CRYGA: variants seen among roughly 807,000 people sequenced by gnomAD.
CRYGA encodes the protein crystallin gamma A.
A neutral mutation model predicts 13.8 loss-of-function variants in CRYGA; 11 were observed. The ratio of observed to expected loss-of-function variants is 0.80; its 90% confidence interval spans 0.50 to 1.32. The LOEUF is 1.32. CRYGA is among the 40% of genes most tolerant of loss of function. CRYGA has a pLI of 0.00. For synonymous variants in CRYGA, 97 were observed against 89.3 expected, an observed-to-expected ratio of 1.09 and a Z score of -0.48; for missense variants, 271 against 234.1, an observed-to-expected ratio of 1.16 and a Z score of -1.03.
Position 208,163,277 on chromosome 2 carries a change from C to T in CRYGA, c.179G>A (p.Arg60Gln), listed in dbSNP as rs370073865. 92 of 1,613,898 alleles carry T rather than the reference C, an allele frequency of 5.7e-5. No homozygotes were observed. In the Middle Eastern group the frequency reaches 8.2e-4, roughly 14 times the overall value. The stretch of plus-strand genomic sequence containing the variant: ...GTGCTGATAGTCGGGGTACTTGCCT[C>T]GGCGCAGGAAGTACTGGTGGCCCTG... ...NYQGHQYFLR[R>Q]GKYPDYQHWM... is the part of the protein sequence containing the mutation. The change falls in exon 2 of 3, where the codon CGA (arginine) becomes CAA (glutamine). Residue 60 changes from arginine to glutamine, a missense_variant. Coordinates refer to ENST00000304502, the MANE Select transcript of CRYGA (RefSeq NM_014617.4).
rs755408221 is a variant in CRYGA at position 208,163,358 on chromosome 2, C to T, written c.98G>A (p.Cys33Tyr). Residue 33 changes from cysteine (C) to tyrosine (Y), a missense_variant, in exon 2 of 3, where the codon TGC (cysteine) becomes TAC (tyrosine). By Grantham distance (194) the Cys-to-Tyr change is radical. Transcript: ENST00000304502. The part of the protein sequence containing the change: ...CPNLRVYFSR[C>Y]NSIRVDSGCW... ...GCCGCTGTCTACTCGGATGGAGTTGCAGCGGCTGAAGTAGACCCGCAGGTT... is the reference window on the plus strand; with the variant it reads ...GCCGCTGTCTACTCGGATGGAGTTGTAGCGGCTGAAGTAGACCCGCAGGTT... 6.2e-7 allele frequency: 1 copy of T among 1,614,014 alleles called. No individual in the cohort carries two copies. Among genetic ancestry groups the T allele is most frequent in the East Asian group, 2.2e-5 (1 of 44,868 alleles).
chr2:208,161,174 CTTTTA>C (rs1451932114), intron 2 of CRYGA, 98 bp from the exon 3 acceptor site: 10 of 1,207,106 alleles, frequency 8.3e-6, no homozygotes, highest in Non-Finnish European at 1.2e-6. Flanking sequence ...TGAAGCATGG[CTTTTA>C]TTTTATTTTT....
rs1190768239 is a variant in CRYGA at position 208,160,759 on chromosome 2, A to C, written c.*45T>G. ...ACTTAGTGCAGGGAACACAACTTGT[A>C]TATTTATTATGTTTCTATGGGGATC... is the stretch of plus-strand genomic sequence containing the variant. On this transcript the variant is annotated 3_prime_UTR_variant, in exon 3 of 3. Transcript: ENST00000304502. 2 of 1,155,034 alleles carry C rather than the reference A, an allele frequency of 1.7e-6. No homozygotes were observed. The highest frequency in any genetic ancestry group is 2.8e-5 in the South Asian group (2 of 71,292). 71.5% of individuals were successfully genotyped at this position (1,155,034 alleles called of 1,614,324 possible).
intron 2 of CRYGA, among the ~76,000 whole-genome samples, chr2:208,162,565 A>C (rs966085575): frequency 3.3e-5 from 5 of 152,236 alleles, no homozygotes; most frequent in Non-Finnish European, 7.3e-5. Flanking sequence ...TCATTAAAAA[A>C]TAATTATCAT....
In CRYGA at chr2:208,163,455, G is replaced by A. The variant is rs1695803399; in HGVS notation, c.10-9C>T. On this transcript the variant is annotated splice_polypyrimidine_tract_variant and intron_variant, in intron 1 of 2. Transcript: ENST00000304502. ...TCCTCGTAGAAGGTGATCTGAGGTA[G>A]AAATAAGGTGACAGTAGACAGTCAG... The A allele has an allele frequency of 6.2e-7, 1 of 1,613,400 alleles. No individual in the cohort carries two copies. The highest frequency in any genetic ancestry group is 1.3e-5 in the African/African-American group (1 of 74,702).
chr2:208,161,015 A>G lies in CRYGA; in HGVS notation c.314T>C (p.Leu105Pro). ...RDDYRGLMSE[L>P]TDDCACVPEL... ...TGGAACACAGGCGCAGTCATCAGTG[A>G]GCTCAGACATAAGGCCTCGGTAGTC... Residue 105 changes from leucine to proline, a missense_variant, in exon 3 of 3, where the codon CTC becomes CCC. Coordinates refer to ENST00000304502, the MANE Select transcript of CRYGA (RefSeq NM_014617.4). The G allele has an allele frequency of 1.2e-6, 2 of 1,614,064 alleles. No individual in the cohort carries two copies. Among genetic ancestry groups the G allele is most frequent in the Non-Finnish European group, 8.5e-7 (1 of 1,179,954 alleles).
At position 208,160,860 on chromosome 2, in the gene CRYGA, A is replaced by G. The variant is rs1175001896; in HGVS notation, c.469T>C (p.Trp157Arg). 1 of 1,612,040 alleles carries G rather than the reference A, an allele frequency of 6.2e-7. No individual in the cohort carries two copies. Residue 157 changes from tryptophan to arginine, a missense_variant, in exon 3 of 3, where the codon TGG (tryptophan) becomes CGG (arginine). Transcript: ENST00000304502. Reference sequence around the variant, plus strand: ...CCGACTTTGGCATCTGCACCCCCCCAGTCGTGGTACCTTCTGTAGTCCCCA... The same window carrying G: ...CCGACTTTGGCATCTGCACCCCCCCGGTCGTGGTACCTTCTGTAGTCCCCA... Reference protein sequence around the residue: ...RPGDYRRYHDWGGADAKVGSL... With the variant: ...RPGDYRRYHDRGGADAKVGSL...
intron 2 of CRYGA, 96 bp downstream of exon 2, chr2:208,163,108 T>G: frequency 1.0e-6 from 1 of 1,002,692 alleles, no homozygotes; most frequent in Non-Finnish European, 1.5e-6. Flanking sequence ...CTGTGAACAC[T>G]CATCCTGTGT....
At chr2:208,162,636 T>C (rs1240497426) in intron 2 of CRYGA, among the ~76,000 whole-genome samples, 1 of 151,684 alleles carries the variant, frequency 6.6e-6, no homozygotes, top group East Asian at 1.9e-4. Flanking sequence ...GGTCGGGAGT[T>C]CGAGACCAGC....
chr2:208,163,164 A>G (rs747383459), intron 2 of CRYGA, 40 bp downstream of exon 2: 10 of 1,561,570 alleles, frequency 6.4e-6, no homozygotes, highest in Non-Finnish European at 8.8e-6. Flanking sequence ...GCCATGGATC[A>G]TTGATGCTTT....
intron 2 of CRYGA, among the ~76,000 whole-genome samples, chr2:208,161,846 G>T (rs1281460616): frequency 6.6e-6 from 1 of 152,164 alleles, no homozygotes; most frequent in African/African-American, 2.4e-5. Flanking sequence ...CAAGTCACTT[G>T]TGCCATTTGG....
intron 2 of CRYGA, among the ~76,000 whole-genome samples, chr2:208,161,876 T>C (rs1340602452): frequency 2.0e-5 from 3 of 152,190 alleles, no homozygotes; most frequent in African/African-American, 7.2e-5. Flanking sequence ...CCCAGAGAAA[T>C]GCCTATTTTA....
At position 208,163,251 on chromosome 2, in the gene CRYGA, A is replaced by C. The variant is rs774592838; in HGVS notation, c.205T>G (p.Trp69Gly). ...RRGKYPDYQHWMGLSDSVQSC... is the reference protein window; with the variant it reads ...RRGKYPDYQHGMGLSDSVQSC... ...TGGACCGAGTCGCTGAGGCCCATCC[A>C]GTGCTGATAGTCGGGGTACTTGCCT... Residue 69 changes from tryptophan to glycine, a missense_variant, in exon 2 of 3, where the codon TGG becomes GGG. Transcript: ENST00000304502. The C allele has an allele frequency of 6.2e-6, 10 of 1,614,022 alleles. No individual in the cohort carries two copies. Among genetic ancestry groups the C allele is most frequent in the Non-Finnish European group, 8.5e-6 (10 of 1,180,008 alleles).
In CRYGA at chr2:208,163,218, G is replaced by A. The variant is rs958131696; in HGVS notation, c.238C>T (p.Arg80Cys). The A allele has an allele frequency of 2.7e-5, 43 of 1,613,118 alleles. No individual in the cohort carries two copies. The highest frequency in any genetic ancestry group is 3.3e-5 in the Admixed American group (2 of 59,950). The change falls in exon 2 of 3, where the codon CGT becomes TGT. Residue 80 changes from arginine (R) to cysteine (C), a missense_variant. Coordinates refer to ENST00000304502, the MANE Select transcript of CRYGA (RefSeq NM_014617.4). ...MGLSDSVQSC[R>C]IIPHTSSHKL... is the part of the protein sequence containing the mutation. ...GCAAGACTCACATGAGGAATTATACGGCAGGATTGGACCGAGTCGCTGAGG... is the reference window on the plus strand; with the variant it reads ...GCAAGACTCACATGAGGAATTATACAGCAGGATTGGACCGAGTCGCTGAGG...
chr2:208,163,071 T>C, intron 2 of CRYGA, 133 bp downstream of exon 2: 1 of 725,228 alleles, frequency 1.4e-6, no homozygotes, highest in Non-Finnish European at 2.3e-6. Context: ...TTTATATATG[T>C]TTGAGGGTCA....
In CRYGA at chr2:208,161,098, G is replaced by C. The variant is rs760434623; in HGVS notation, c.253-22C>G. On this transcript the variant is annotated intron_variant, in intron 2 of 2. Transcript: ENST00000304502. ...TGGTCTGTCATGGCAATAAACAAAA[G>C]AACAAAAATAAACAGCATGCATCCT... The C allele has an allele frequency of 1.9e-6, 3 of 1,607,064 alleles. No homozygotes were observed. The East Asian group carries it at 6.7e-5, about 36-fold the overall frequency.
intron 2 of CRYGA, among the ~76,000 whole-genome samples, chr2:208,162,826 C>T (rs138647173): frequency 2.7e-4 from 40 of 148,962 alleles, no homozygotes; most frequent in Non-Finnish European, 4.3e-4. Context: ...GCAACAAGAG[C>T]GAAAGCGAAG....
intron 2 of CRYGA, among the ~76,000 whole-genome samples, chr2:208,162,901 CTTT>C (rs36112033): frequency 9.4e-5 from 13 of 138,710 alleles, no homozygotes; most frequent in Non-Finnish European, 1.4e-4. Context: ...TTCTTTCTTT[CTTT>C]TTTTTTTTTT....
intron 2 of CRYGA, among the ~76,000 whole-genome samples, chr2:208,161,643 T>A (rs929342884): frequency 6.6e-6 from 1 of 152,228 alleles, no homozygotes; most frequent in Admixed American, 6.5e-5. Flanking sequence ...GGAATAAAAG[T>A]GTGTTCTTTG....
Sources: allele counts gnomAD v4.1 joint callset (sites outside exome capture counted in the v4.1 genomes callset), GRCh38; gene constraint gnomAD v4.1.1; transcripts MANE v1.5; gene names NCBI Gene and HGNC (gene_info 2026-07-23, HGNC 2026-07-21).